PKHD1: variants seen among roughly 807,000 people sequenced by gnomAD.
The protein encoded by PKHD1 is fibrocystin.
In PKHD1, 291 loss-of-function variants were observed where a neutral mutation model predicts 412.0. The observed-to-expected ratio is 0.71, with a 90% CI of 0.64 to 0.78. The LOEUF (loss-of-function observed/expected upper bound fraction) is 0.78, where lower values mean the gene tolerates loss of function less well. PKHD1 is among the 30% of genes least tolerant of loss of function. PKHD1 has a pLI of 0.00. For missense variants in PKHD1, 4,825 were observed against 4,950.7 expected, an observed-to-expected ratio of 0.97 and a Z score of 0.76; for synonymous variants, 1,777 against 1,821.5, an observed-to-expected ratio of 0.98 and a Z score of 0.62.
intron 43 of PKHD1, among the ~76,000 whole-genome samples, chr6:51,893,172 C>G (rs1301606140): frequency 6.6e-6 from 1 of 152,194 alleles, no homozygotes; most frequent in South Asian, 2.1e-4. Context: ...CCACACAGCT[C>G]TATTTCATTA....
intron 43 of PKHD1, among the ~76,000 whole-genome samples, chr6:51,894,913 C>T (rs373735947): frequency 2.0e-5 from 3 of 152,210 alleles, no homozygotes; most frequent in Non-Finnish European, 4.4e-5. Flanking sequence ...TGCAGCTTCT[C>T]GTAAGTCTGA....
chr6:52,015,581 T>A (rs1461485689), intron 34 of PKHD1, among the ~76,000 whole-genome samples: 1 of 151,824 alleles, frequency 6.6e-6, no homozygotes, highest in Non-Finnish European at 1.5e-5. Flanking sequence ...TCCCAGCACT[T>A]TGGGAGGCTG....
At chr6:51,787,768 A>G (rs781760018) in intron 53 of PKHD1, among the ~76,000 whole-genome samples, 2 of 152,232 alleles carry the variant, frequency 1.3e-5, no homozygotes, top group Non-Finnish European at 2.9e-5. Flanking sequence ...GCACAGTGTC[A>G]CTTACCTTCA....
intron 65 of PKHD1, among the ~76,000 whole-genome samples, chr6:51,631,726 GA>G (rs1767938940): frequency 6.6e-6 from 1 of 151,906 alleles, no homozygotes; most frequent in South Asian, 2.1e-4. Flanking sequence ...CTCTAAGATA[GA>G]AAGAAGCTTC....
In PKHD1 at chr6:51,906,232, C is replaced by A; in HGVS notation, c.6791G>T (p.Gly2264Val). 6.2e-7 allele frequency: 1 copy of A among 1,612,142 alleles called. No homozygotes were observed. Among genetic ancestry groups the A allele is most frequent in the Non-Finnish European group, 8.5e-7 (1 of 1,178,500 alleles). Reference protein sequence around the residue: ...VDSNVFYNILGHALLVGTCTE... With the variant: ...VDSNVFYNILVHALLVGTCTE... ...TTACTTACCAACTAGCAGCGCATGACCTAAAATATTGTAGAATACATTACT... is the reference window on the plus strand; with the variant it reads ...TTACTTACCAACTAGCAGCGCATGAACTAAAATATTGTAGAATACATTACT... Residue 2264 changes from glycine to valine, a missense_variant, in exon 41 of 67, where the codon GGT becomes GTT. Gly to Val is a moderately radical substitution (Grantham distance 109). Coordinates refer to ENST00000371117, the MANE Select transcript of PKHD1 (RefSeq NM_138694.4).
rs1207597891 is a variant in PKHD1 at position 51,619,360 on chromosome 6, A to T, written c.11946T>A (p.Cys3982Ter). Residue 3982 changes from cysteine to a stop codon, truncating the protein, a stop_gained, in exon 67 of 67, where the codon TGT becomes TGA. Coordinates refer to ENST00000371117, the MANE Select transcript of PKHD1 (RefSeq NM_138694.4). LOFTEE classifies it low-confidence loss of function (END_TRUNC). Reference sequence around the variant, plus strand: ...CCTGCTGAGCAGGAGCACCTGGAGCACAGATGTGCCCATGGGATGTGATGC... The same window carrying T: ...CCTGCTGAGCAGGAGCACCTGGAGCTCAGATGTGCCCATGGGATGTGATGC... ...TTGITSHGHI[C>*]APGAPAQQVY... The T allele has an allele frequency of 2.5e-6, 4 of 1,614,076 alleles. No homozygotes were observed. In the African/African-American group the frequency reaches 4.0e-5, roughly 16 times the overall value.
chr6:52,073,059 TA>T (rs1332556468), intron 7 of PKHD1, among the ~76,000 whole-genome samples: 1 of 152,188 alleles, frequency 6.6e-6, no homozygotes, highest in Non-Finnish European at 1.5e-5. Flanking sequence ...CTGACCCCAC[TA>T]ATACAATTTT....
At chr6:51,693,738 A>G (rs1778446418) in intron 60 of PKHD1, among the ~76,000 whole-genome samples, 2 of 152,222 alleles carry the variant, frequency 1.3e-5, no homozygotes, top group Non-Finnish European at 2.9e-5. Context: ...AAACAATAAC[A>G]ACAATAATAA....
intron 27 of PKHD1, 25 bp downstream of exon 27, chr6:52,042,832 CAT>C (rs1805133741): frequency 6.2e-7 from 1 of 1,607,984 alleles, no homozygotes; most frequent in Admixed American, 1.7e-5. Context: ...GAGGGTCAGA[CAT>C]ACTGTGAGAC....
At chr6:51,762,971 T>A (rs752375738) in intron 55 of PKHD1, among the ~76,000 whole-genome samples, 1 of 152,074 alleles carries the variant, frequency 6.6e-6, no homozygotes, top group Non-Finnish European at 1.5e-5. Flanking sequence ...TTTAACATTT[T>A]AAAAAAGGTT....
chr6:51,889,639 G>A (rs1583214409), intron 43 of PKHD1, among the ~76,000 whole-genome samples: 1 of 152,196 alleles, frequency 6.6e-6, no homozygotes, highest in East Asian at 1.9e-4. Context: ...GGGGGGTGAT[G>A]AGGAAGGGAT....
intron 66 of PKHD1, among the ~76,000 whole-genome samples, chr6:51,623,393 A>AT (rs960822510): frequency 2.0e-5 from 3 of 151,672 alleles, no homozygotes; most frequent in South Asian, 2.1e-4. Flanking sequence ...ACATTTCTTT[A>AT]TTTTTTTTCT....
intron 50 of PKHD1, among the ~76,000 whole-genome samples, chr6:51,844,010 G>T (rs888092217): frequency 2.0e-5 from 3 of 152,308 alleles, no homozygotes; most frequent in Admixed American, 6.5e-5. Context: ...AATAGAGGGA[G>T]ACCCTTTCAG....
chr6:52,017,533 GC>G lies in PKHD1; in HGVS notation c.5476del (p.Ala1826ArgfsTer148). The G allele has an allele frequency of 1.2e-6, 2 of 1,613,882 alleles. No homozygotes were observed. Among genetic ancestry groups the G allele is most frequent in the South Asian group, 2.2e-5 (2 of 91,068 alleles). Reference sequence around the variant, plus strand: ...CCACGATTCAAGCAGTTGCTCTGTCGCCATGGCAACTGTCAAATCACACTGC... The same window carrying G: ...CCACGATTCAAGCAGTTGCTCTGTCGCATGGCAACTGTCAAATCACACTGC... Reference protein sequence around the residue: ...YVQCDLTVAMATEQLLESWPY... With the variant: ...YVQCDLTVAMXTEQLLESWPY... On this transcript the variant is annotated frameshift_variant, in exon 34 of 67. Transcript: ENST00000371117. LOFTEE classifies it high-confidence loss of function.
chr6:52,024,716 G>A lies in PKHD1; in HGVS notation c.5094C>T (p.Asn1698=), dbSNP rs754435223. The A allele has an allele frequency of 6.8e-6, 11 of 1,614,182 alleles. No homozygotes were observed. The highest frequency in any genetic ancestry group is 9.3e-6 in the Non-Finnish European group (11 of 1,180,036). The part of the protein sequence containing the change: ...GMSPCVGVSG[N]HTVLQCVVPS... Reference sequence around the variant, plus strand: ...GGACCACGCACTGAAGAACGGTGTGGTTACCAGAGACACCCACACAGGGTG... The same window carrying A: ...GGACCACGCACTGAAGAACGGTGTGATTACCAGAGACACCCACACAGGGTG... The change falls in exon 32 of 67, where the codon AAC becomes AAT. Residue 1698 remains asparagine, a synonymous_variant. Coordinates refer to ENST00000371117, the MANE Select transcript of PKHD1 (RefSeq NM_138694.4).
intron 40 of PKHD1, among the ~76,000 whole-genome samples, chr6:51,908,246 T>C (rs1345110986): frequency 6.6e-6 from 1 of 152,094 alleles, no homozygotes; most frequent in Non-Finnish European, 1.5e-5. Flanking sequence ...TGCAGATAAT[T>C]TGAAATGAAG....
rs562165459 is a variant in PKHD1, at chr6:51,619,303, C to T, written c.12003G>A (p.Glu4001=). The part of the protein sequence containing the change: ...VYLQETGNWK[E]GQEQLLRYQL... ...GGTATCTGAGCAACTGCTCTTGGCCCTCCTTCCAGTTCCCAGTCTCTTGCA... is the reference window on the plus strand; with the variant it reads ...GGTATCTGAGCAACTGCTCTTGGCCTTCCTTCCAGTTCCCAGTCTCTTGCA... Residue 4001 remains glutamate, a synonymous_variant, in exon 67 of 67, where the codon GAG becomes GAA. Transcript: ENST00000371117. 3 of 1,614,264 alleles carry T rather than the reference C, an allele frequency of 1.9e-6. No homozygotes were observed. The highest frequency in any genetic ancestry group is 2.7e-5 in the African/African-American group (2 of 75,082).
chr6:51,778,662 A>G (rs1371098525), intron 53 of PKHD1, among the ~76,000 whole-genome samples: 1 of 152,160 alleles, frequency 6.6e-6, no homozygotes, highest in Admixed American at 6.6e-5. Flanking sequence ...GATAATCATT[A>G]TAATTATTTG....
chr6:51,900,973 A>G (rs1452229843), intron 43 of PKHD1, among the ~76,000 whole-genome samples: 1 of 152,110 alleles, frequency 6.6e-6, no homozygotes, highest in Non-Finnish European at 1.5e-5. Context: ...ATGAGATACC[A>G]TCTCACACCA....
Sources: gnomAD v4.1 joint callset for allele counts (sites outside exome capture counted in the v4.1 genomes callset) on GRCh38, gnomAD v4.1.1 for gene constraint, MANE v1.5 for transcripts, NCBI Gene and HGNC (gene_info 2026-07-23, HGNC 2026-07-21) for gene names.